LRP6: variants seen among roughly 807,000 people sequenced by gnomAD.
LRP6 encodes the protein low-density lipoprotein receptor-related protein 6.
In LRP6, 43 loss-of-function variants were observed where a neutral mutation model predicts 184.1. The ratio of observed to expected loss-of-function variants is 0.23; its 90% confidence interval spans 0.18 to 0.30. The LOEUF (loss-of-function observed/expected upper bound fraction) is 0.30. Among genes scored for constraint, LRP6 ranks in the 10% least tolerant of loss-of-function variants. The probability of loss-of-function intolerance (pLI) is 1.00; values close to 1 mark genes in which losing one functional copy is unlikely to be tolerated. For synonymous variants in LRP6, 719 were observed against 684.9 expected (o/e 1.05, Z -0.78); for missense variants, 1,571 against 2,005.3 (o/e 0.78, Z 4.14).
chr12:12,142,490 A>G (rs1322332177), intron 15 of LRP6, among the ~76,000 whole-genome samples: 1 of 152,192 alleles, frequency 6.6e-6, no homozygotes, highest in Non-Finnish European at 1.5e-5. Context: ...GTGGGTGGCT[A>G]CAAATACGAA....
chr12:12,162,339 T>C lies in LRP6; in HGVS notation c.2133A>G (p.Ala711=). 6.2e-7 allele frequency: 1 copy of C among 1,614,250 alleles called. No individual in the cohort carries two copies. The highest frequency in any genetic ancestry group is 8.5e-7 in the Non-Finnish European group (1 of 1,180,040). The change falls in exon 10 of 23, where the codon GCA becomes GCG. Residue 711 remains alanine, a synonymous_variant. Coordinates refer to ENST00000261349, the MANE Select transcript of LRP6 (RefSeq NM_002336.3). ...EFGLDYPEGM[A]VDWLGKNLYW... is the part of the protein sequence containing the mutation. ...ACAAGTTCTTCCCAAGCCAGTCTAC[T>C]GCCATGCCTTCTGGATAATCTAAGC... is the stretch of plus-strand genomic sequence containing the variant.
chr12:12,207,168 G>A (rs1864083762), intron 2 of LRP6, among the ~76,000 whole-genome samples: 1 of 152,186 alleles, frequency 6.6e-6, no homozygotes, highest in African/African-American at 2.4e-5. Flanking sequence ...CCTGCAAGAG[G>A]GGACTGACCT....
chr12:12,262,364 G>A (rs1821330369), intron 1 of LRP6, among the ~76,000 whole-genome samples: 1 of 151,982 alleles, frequency 6.6e-6, no homozygotes, highest in African/African-American at 2.4e-5. Flanking sequence ...GGGCGACAGG[G>A]TGAGATACCG....
At chr12:12,228,185 A>G (rs1864680341) in intron 2 of LRP6, among the ~76,000 whole-genome samples, 2 of 152,044 alleles carry the variant, frequency 1.3e-5, no homozygotes, top group Non-Finnish European at 1.5e-5. Flanking sequence ...AGCCTGGCCA[A>G]CATGGTGAAA....
chr12:12,179,685 TA>T, intron 7 of LRP6, 124 bp downstream of exon 7: 1 of 947,996 alleles, frequency 1.1e-6, no homozygotes, highest in Middle Eastern at 3.2e-4. Context: ...AAAATTTCTG[TA>T]AAAGGTACCT....
chr12:12,236,064 A>G lies in LRP6; in HGVS notation c.449+8198T>C, dbSNP rs563505759. On this transcript the variant is annotated intron_variant, in intron 2 of 22. Transcript: ENST00000261349. The stretch of plus-strand genomic sequence containing the variant: ...CAGGTGTGAAACCCCGTCTCTACTG[A>G]AAAATGCAAAGAATTAGCCAGGCGT... Among the ~76,000 whole-genome samples the G allele has an allele frequency of 2.6e-5, 4 of 152,166 alleles. No individual in the cohort carries two copies. The East Asian group carries it at 7.8e-4, about 30-fold the overall frequency.
intron 1 of LRP6, among the ~76,000 whole-genome samples, chr12:12,261,865 T>A (rs1187215521): frequency 1.3e-5 from 2 of 152,246 alleles, no homozygotes; most frequent in African/African-American, 4.8e-5. Flanking sequence ...TGCAAAACAT[T>A]AGTGGTTTGT....
At position 12,197,492 on chromosome 12, in the gene LRP6, A is replaced by C. The variant is rs545215741; in HGVS notation, c.647+5711T>G. On this transcript the variant is annotated intron_variant, in intron 3 of 22. Transcript: ENST00000261349. The stretch of plus-strand genomic sequence containing the variant: ...AGTGTTCACAGTCAGGAAACAAACA[A>C]ACACAGTTGGGTACATATATTTTTG... Among the ~76,000 whole-genome samples the C allele has an allele frequency of 1.6e-4, 25 of 152,330 alleles. No homozygotes were observed. The South Asian group carries it at 4.6e-3, about 28-fold the overall frequency.
intron 2 of LRP6, among the ~76,000 whole-genome samples, chr12:12,207,842 G>A (rs1002241051): frequency 3.3e-5 from 5 of 152,010 alleles, no homozygotes; most frequent in Non-Finnish European, 5.9e-5. Flanking sequence ...AGGAAAATGG[G>A]GTAACACTAA....
Position 12,147,491 on chromosome 12 carries a change from G to A in LRP6, c.3272C>T (p.Thr1091Ile), listed in dbSNP as rs1432030263. 1 of 1,614,002 alleles carries A rather than the reference G, an allele frequency of 6.2e-7. No individual in the cohort carries two copies. The highest frequency in any genetic ancestry group is 8.5e-7 in the Non-Finnish European group (1 of 1,180,000). ...ACTGAAAAAGAGGACCTCCCGTTCT[G>A]TCCCATCCAAAGCAGCCCGTTCAAT... ...PKIERAALDG[T>I]EREVLFFSGL... The change falls in exon 15 of 23, where the codon ACA (threonine) becomes ATA (isoleucine). Residue 1091 changes from threonine to isoleucine, a missense_variant. Thr to Ile is a moderately conservative substitution (Grantham distance 89). Coordinates refer to ENST00000261349, the MANE Select transcript of LRP6 (RefSeq NM_002336.3).
chr12:12,164,558 G>A lies in LRP6; in HGVS notation c.1767C>T (p.Ser589=), dbSNP rs371110882. 7 of 1,614,002 alleles carry A rather than the reference G, an allele frequency of 4.3e-6. 1 individual carries two copies. In the African/African-American group the frequency reaches 5.3e-5, roughly 12 times the overall value. Residue 589 remains serine (S), a synonymous_variant, in exon 9 of 23, where the codon TCC becomes TCT. Transcript: ENST00000261349. ...CCCCGTTTTCCTCAGCACAGGGGTT[G>A]GAACCTAAAAGATTAATTATAAAAG... ...KATNVHRVIG[S]NPCAEENGGC...
intron 2 of LRP6, among the ~76,000 whole-genome samples, chr12:12,225,106 G>A (rs915592929): frequency 2.6e-5 from 4 of 152,154 alleles, no homozygotes; most frequent in Non-Finnish European, 5.9e-5. Flanking sequence ...TTGGGAGGCT[G>A]AGGCAGGCGA....
At position 12,135,485 on chromosome 12, in the gene LRP6, T is replaced by C. The variant is rs1565542782; in HGVS notation, c.3608-185A>G. On this transcript the variant is annotated intron_variant, in intron 16 of 22. Transcript: ENST00000261349. ...GGACTTTTTTTACTTTTATCATTATTATTATTATTATTATTATTATTATTT... is the reference window on the plus strand; with the variant it reads ...GGACTTTTTTTACTTTTATCATTATCATTATTATTATTATTATTATTATTT... Among the ~76,000 whole-genome samples, 5 of 139,836 alleles carry C rather than the reference T, an allele frequency of 3.6e-5. No individual in the cohort carries two copies. In the South Asian group the frequency reaches 1.1e-3, roughly 29 times the overall value. 91.7% of individuals were successfully genotyped at this position (139,836 alleles called of 152,430 possible).
chr12:12,181,810 A>T (rs1025837746), intron 5 of LRP6, among the ~76,000 whole-genome samples: 1 of 152,198 alleles, frequency 6.6e-6, no homozygotes, highest in African/African-American at 2.4e-5. Context: ...AGCATTTTTT[A>T]AAAAAAGATA....
Position 12,181,075 on chromosome 12 carries a change from T to A in LRP6, c.1341A>T (p.Glu447Asp), listed in dbSNP as rs770905748. The change falls in exon 6 of 23, where the codon GAA becomes GAT. Residue 447 changes from glutamate to aspartate, a missense_variant. Transcript: ENST00000261349. ...TGGGATCTAACACAATAGCCCGGGG[T>A]TCCTCTAAGTCCTCTGAAATCAAGA... ...RKILISEDLE[E>D]PRAIVLDPMV... The A allele has an allele frequency of 6.2e-7, 1 of 1,613,802 alleles. No homozygotes were observed. Among genetic ancestry groups the A allele is most frequent in the Non-Finnish European group, 8.5e-7 (1 of 1,179,940 alleles).
chr12:12,264,601 G>A (rs1425335134), intron 1 of LRP6, among the ~76,000 whole-genome samples: 4 of 152,074 alleles, frequency 2.6e-5, no homozygotes, highest in Non-Finnish European at 5.9e-5. Context: ...CTTTGTGGGG[G>A]AAAAAAATGA....
rs552210828 is a variant in LRP6 at position 12,176,018 on chromosome 12, C to G, written c.1545+3792G>C. ...GCAACAAACGTTTTCAGCAGTAAAA[C>G]CTGATCCTAAAAAAAAAAAAAGGAA... On this transcript the variant is annotated intron_variant, in intron 7 of 22. Coordinates refer to ENST00000261349, the MANE Select transcript of LRP6 (RefSeq NM_002336.3). 6.1e-3 allele frequency among the ~76,000 whole-genome samples: 444 copies of G among 73,282 alleles called. 5 individuals are homozygous for G. Among genetic ancestry groups the G allele is most frequent in the Non-Finnish European group, 7.2e-3 (282 of 39,074 alleles). The allele number at this position is 73,282 out of a possible 152,430, so 48.1% of individuals were successfully genotyped here. A position where few individuals can be genotyped will look rare whatever the true frequency, so the allele number is the denominator to read the frequency against.
intron 16 of LRP6, among the ~76,000 whole-genome samples, chr12:12,137,684 G>C (rs949395913): frequency 7.2e-5 from 11 of 151,836 alleles, no homozygotes; most frequent in Non-Finnish European, 1.3e-4. Flanking sequence ...AGAAATAGAT[G>C]CTTTATGTTA....
At chr12:12,172,998 C>G (rs76038196) in intron 7 of LRP6, among the ~76,000 whole-genome samples, 6,254 of 152,198 alleles carry the variant, frequency 0.041, 182 homozygotes, top group Middle Eastern at 0.17. Context: ...CATAGTTACT[C>G]TGGGTAGTTT....
Sources: allele counts gnomAD v4.1 joint callset (sites outside exome capture counted in the v4.1 genomes callset), GRCh38; gene constraint gnomAD v4.1.1; transcripts MANE v1.5; gene names NCBI Gene and HGNC (gene_info 2026-07-23, HGNC 2026-07-21).